The following SULT1E1 variants were observed in gnomAD, a reference collection of about 807,000 sequenced individuals.
SULT1E1 encodes sulfotransferase 1E1.
Under a neutral mutation model 33.6 loss-of-function variants are expected in SULT1E1, and 36 were observed. The observed-to-expected ratio is 1.07, with a 90% CI of 0.82 to 1.41. SULT1E1 has a LOEUF of 1.41. Among genes scored for constraint, SULT1E1 ranks in the 40% most tolerant of loss-of-function variants. The pLI, the probability that SULT1E1 is intolerant of heterozygous loss-of-function variation, is 0.00. For missense variants in SULT1E1, 371 were observed against 345.7 expected (o/e 1.07, Z -0.58); for synonymous variants, 121 against 111.7 (o/e 1.08, Z -0.53).
At chr4:69,857,249 T>C (rs952889597) in intron 2 of SULT1E1, among the ~76,000 whole-genome samples, 29 of 152,170 alleles carry the variant, frequency 1.9e-4, no homozygotes, top group African/African-American at 6.8e-4. Flanking sequence ...ATGGGATGAA[T>C]ACAGGTTCAT....
intron 3 of SULT1E1, 91 bp from the exon 4 acceptor site, chr4:69,854,405 C>T (rs1477512743): frequency 1.5e-5 from 12 of 774,328 alleles, no homozygotes; most frequent in East Asian, 2.7e-5. Flanking sequence ...AGAAGTAATT[C>T]TAAGATTCTA....
chr4:69,828,705 G>A, the SULT1E1 span, among the ~76,000 whole-genome samples: 1 of 152,212 alleles, frequency 6.6e-6, no homozygotes, highest in African/African-American at 2.4e-5. Context: ...AGTAGGAAGT[G>A]CACAAACAGC....
At chr4:69,829,345 A>G in the SULT1E1 span, among the ~76,000 whole-genome samples, 2 of 152,168 alleles carry the variant, frequency 1.3e-5, no homozygotes, top group Non-Finnish European at 1.5e-5. Flanking sequence ...ATGGCCTTGG[A>G]AAGTAGTAGT....
the SULT1E1 span, among the ~76,000 whole-genome samples, chr4:69,834,549 C>T: frequency 6.6e-6 from 1 of 152,140 alleles, no homozygotes; most frequent in East Asian, 1.9e-4. Context: ...AGCTTCTTAA[C>T]TGCTTTATCC....
the SULT1E1 span, among the ~76,000 whole-genome samples, chr4:69,825,074 C>A: frequency 6.6e-6 from 1 of 152,124 alleles, no homozygotes; most frequent in Non-Finnish European, 1.5e-5. Context: ...TCCAGATGTG[C>A]CACCTTTAAG....
chr4:69,831,231 T>G, the SULT1E1 span, among the ~76,000 whole-genome samples: 1 of 152,292 alleles, frequency 6.6e-6, no homozygotes, highest in South Asian at 2.1e-4. Context: ...CTGAGGTGCC[T>G]GTAAAACTCG....
chr4:69,859,149 T>C (rs1721313719), intron 1 of SULT1E1, among the ~76,000 whole-genome samples: 1 of 152,168 alleles, frequency 6.6e-6, no homozygotes, highest in Non-Finnish European at 1.5e-5. Context: ...TGTAGGTCAG[T>C]TGTTCAGAAA....
chr4:69,845,351 C>T (rs992748691), intron 6 of SULT1E1, among the ~76,000 whole-genome samples: 2 of 151,388 alleles, frequency 1.3e-5, no homozygotes, highest in Non-Finnish European at 3.0e-5. Context: ...CCTCATTTAC[C>T]TTGATGTGAT....
chr4:69,825,494 G>C, the SULT1E1 span, among the ~76,000 whole-genome samples: 1 of 152,126 alleles, frequency 6.6e-6, no homozygotes, highest in African/African-American at 2.4e-5. Flanking sequence ...GAATTCGGGG[G>C]CTAAATACCA....
At chr4:69,838,817 C>T (rs931180143), downstream of SULT1E1, among the ~76,000 whole-genome samples, 2 of 152,156 alleles carry the variant, frequency 1.3e-5, no homozygotes, top group Non-Finnish European at 2.9e-5. Context: ...GGTTTCTCCA[C>T]TCCAAAGTTA....
At chr4:69,842,459 C>T (rs1309769460) in intron 7 of SULT1E1, among the ~76,000 whole-genome samples, 1 of 152,180 alleles carries the variant, frequency 6.6e-6, no homozygotes, top group African/African-American at 2.4e-5. Context: ...GCACTAAAAT[C>T]CAGACTTATG....
At chr4:69,850,723 T>C (rs1172513524) in intron 4 of SULT1E1, among the ~76,000 whole-genome samples, 1 of 152,122 alleles carries the variant, frequency 6.6e-6, no homozygotes, top group African/African-American at 2.4e-5. Context: ...TAGTCTGTCT[T>C]TCTTGAATGT....
chr4:69,843,068 C>A (rs1293486058), intron 7 of SULT1E1, among the ~76,000 whole-genome samples: 2 of 152,106 alleles, frequency 1.3e-5, no homozygotes, highest in Non-Finnish European at 2.9e-5. Flanking sequence ...GATCTCCTGA[C>A]CTCATGATCC....
the SULT1E1 span, among the ~76,000 whole-genome samples, chr4:69,832,029 G>A: frequency 6.6e-6 from 1 of 152,176 alleles, no homozygotes; most frequent in African/African-American, 2.4e-5. Context: ...CTGAATTGCA[G>A]AGCCACTCTC....
intron 2 of SULT1E1, among the ~76,000 whole-genome samples, chr4:69,856,580 G>GCCAT (rs1721239858): frequency 6.6e-6 from 1 of 152,126 alleles, no homozygotes; most frequent in African/African-American, 2.4e-5. Context: ...TCAGATGACT[G>GCCAT]GTATTGTGCT....
At chr4:69,850,990 C>A (rs2110070313) in intron 4 of SULT1E1, among the ~76,000 whole-genome samples, 1 of 152,170 alleles carries the variant, frequency 6.6e-6, no homozygotes, top group Middle Eastern at 3.4e-3. Flanking sequence ...GTCAAAGTTA[C>A]CAGTTTCCCA....
chr4:69,847,888 A>G, intron 5 of SULT1E1, 96 bp from the exon 6 acceptor site: 1 of 650,708 alleles, frequency 1.5e-6, no homozygotes, highest in Non-Finnish European at 2.6e-6. Flanking sequence ...ATAAATATAA[A>G]TAGATAATCA....
At chr4:69,840,564 T>A (rs1434532163), downstream of SULT1E1, among the ~76,000 whole-genome samples, 1 of 152,230 alleles carries the variant, frequency 6.6e-6, no homozygotes, top group Non-Finnish European at 1.5e-5. Context: ...TAAAACTTAT[T>A]TTACAATATT....
chr4:69,834,072 A>G, the SULT1E1 span, among the ~76,000 whole-genome samples: 7 of 152,142 alleles, frequency 4.6e-5, no homozygotes, highest in African/African-American at 1.4e-4. Flanking sequence ...ATTTGTTATT[A>G]GTGACCTCAT....
Sources: gnomAD v4.1 joint callset for allele counts (sites outside exome capture counted in the v4.1 genomes callset) on GRCh38, gnomAD v4.1.1 for gene constraint, MANE v1.5 for transcripts, NCBI Gene and HGNC (gene_info 2026-07-23, HGNC 2026-07-21) for gene names.